Variants in GRID1 observed in about 807,000 individuals in gnomAD.
GRID1 encodes glutamate ionotropic receptor delta type subunit 1.
GRID1 carries 28 observed loss-of-function variants against 98.0 expected under a neutral mutation model. The ratio of observed to expected loss-of-function variants is 0.29; its 90% CI spans 0.21 to 0.39. The LOEUF (loss-of-function observed/expected upper bound fraction) is 0.39, where lower values mean the gene tolerates loss of function less well. Ranked by LOEUF, GRID1 falls within the 10% of genes least tolerant of loss-of-function variation. The pLI, the probability that GRID1 is intolerant of heterozygous loss-of-function variation, is 1.00. For synonymous variants in GRID1, 553 were observed against 538.5 expected, an observed-to-expected ratio of 1.03 and a Z score of -0.37; for missense variants, 1,111 against 1,340.5, an observed-to-expected ratio of 0.83 and a Z score of 2.67.
At chr10:86,156,226 C>A (rs977923333) in intron 3 of GRID1, among the ~76,000 whole-genome samples, 1 of 152,220 alleles carries the variant, frequency 6.6e-6, no homozygotes, top group Admixed American at 6.5e-5. Flanking sequence ...CCTCTGGAAA[C>A]AGCTCCCTGC....
Position 86,353,114 on chromosome 10 carries a change from T to C in GRID1, c.235+10827A>G, listed in dbSNP as rs577018702. Among the ~76,000 whole-genome samples the C allele has an allele frequency of 1.1e-4, 17 of 152,296 alleles. 1 individual carries two copies. In the East Asian group the frequency reaches 2.7e-3, roughly 24 times the overall value. On this transcript the variant is annotated intron_variant, in intron 2 of 15. Transcript: ENST00000327946. ...GTGCACTACAAACTGCCCTTAGAGCTGAGGATACCACAGGGAACAAAAGCG... is the reference window on the plus strand; with the variant it reads ...GTGCACTACAAACTGCCCTTAGAGCCGAGGATACCACAGGGAACAAAAGCG...
chr10:86,262,909 G>T (rs1029836549), intron 2 of GRID1, among the ~76,000 whole-genome samples: 1 of 152,146 alleles, frequency 6.6e-6, no homozygotes, highest in Non-Finnish European at 1.5e-5. Context: ...CTCCCTGCGC[G>T]GCGTTCCCAG....
chr10:85,879,128 T>C (rs1840959651), intron 5 of GRID1, among the ~76,000 whole-genome samples: 1 of 152,190 alleles, frequency 6.6e-6, no homozygotes, highest in African/African-American at 2.4e-5. Context: ...AAGCAAGTCC[T>C]GAGTGACCTA....
chr10:85,766,848 C>T (rs1288170362), intron 8 of GRID1, among the ~76,000 whole-genome samples: 1 of 151,622 alleles, frequency 6.6e-6, no homozygotes, highest in African/African-American at 2.4e-5. Context: ...TAAATATTCA[C>T]TTTCATACCT....
chr10:86,106,166 G>T (rs1388631614), intron 4 of GRID1, among the ~76,000 whole-genome samples: 1 of 151,920 alleles, frequency 6.6e-6, no homozygotes, highest in Non-Finnish European at 1.5e-5. Flanking sequence ...ATCCAAATGA[G>T]AAAAATCAAA....
chr10:86,240,249 T>C (rs968555985), intron 2 of GRID1, among the ~76,000 whole-genome samples: 2 of 152,154 alleles, frequency 1.3e-5, no homozygotes, highest in African/African-American at 4.8e-5. Context: ...GGCCCATGGC[T>C]GGGGAGAGGC....
At chr10:85,652,040 C>A (rs111539600) in intron 12 of GRID1, among the ~76,000 whole-genome samples, 5,611 of 152,254 alleles carry the variant, frequency 0.037, 144 homozygotes, top group African/African-American at 0.069. Flanking sequence ...TAGCTGATAC[C>A]TTTGAGCACA....
At chr10:86,363,828 G>T in intron 2 of GRID1, 113 bp downstream of exon 2, 2 of 891,132 alleles carry the variant, frequency 2.2e-6, no homozygotes, top group Middle Eastern at 3.0e-4. Flanking sequence ...CGCGGCTGCC[G>T]AGGAACAGAG....
intron 2 of GRID1, among the ~76,000 whole-genome samples, chr10:86,295,837 A>C (rs533635517): frequency 1.3e-5 from 2 of 152,262 alleles, no homozygotes; most frequent in South Asian, 2.1e-4. Flanking sequence ...ATGATGGGTA[A>C]ACTTCGCCCA....
At chr10:85,619,816 T>C (rs1383073922) in intron 14 of GRID1, 51 bp downstream of exon 14, 1 of 1,436,894 alleles carries the variant, frequency 7.0e-7, no homozygotes, top group Non-Finnish European at 9.8e-7. Flanking sequence ...CTCCTACCCT[T>C]GACCACTAGA....
At chr10:85,821,792 C>T (rs1314693316) in intron 8 of GRID1, among the ~76,000 whole-genome samples, 1 of 152,106 alleles carries the variant, frequency 6.6e-6, no homozygotes, top group Non-Finnish European at 1.5e-5. Flanking sequence ...AACTTTACTA[C>T]AAGGCTACAG....
chr10:86,037,074 C>T (rs1843275301), intron 4 of GRID1, among the ~76,000 whole-genome samples: 1 of 152,130 alleles, frequency 6.6e-6, no homozygotes, highest in Non-Finnish European at 1.5e-5. Flanking sequence ...AGAGTGAGTT[C>T]TAAAGGTGCC....
chr10:86,106,851 G>C (rs2131948817), intron 4 of GRID1, among the ~76,000 whole-genome samples: 1 of 152,234 alleles, frequency 6.6e-6, no homozygotes, highest in East Asian at 1.9e-4. Context: ...GGCTAAGATG[G>C]GATAGAGAAT....
intron 12 of GRID1, among the ~76,000 whole-genome samples, chr10:85,692,879 T>C (rs1044560766): frequency 1.3e-5 from 2 of 152,130 alleles, no homozygotes; most frequent in African/African-American, 4.8e-5. Context: ...AGGCCTAGCA[T>C]TTGAGACATC....
chr10:85,987,781 T>C (rs940978195), intron 4 of GRID1, among the ~76,000 whole-genome samples: 27 of 151,856 alleles, frequency 1.8e-4, no homozygotes, highest in African/African-American at 6.0e-4. Context: ...TAGTGCTTCC[T>C]CAGGGGCCTT....
chr10:85,751,835 C>T (rs1443248351), intron 8 of GRID1, among the ~76,000 whole-genome samples: 2 of 151,926 alleles, frequency 1.3e-5, no homozygotes, highest in Non-Finnish European at 2.9e-5. Context: ...CCATAATGAG[C>T]TTGATGTGCT....
intron 12 of GRID1, among the ~76,000 whole-genome samples, chr10:85,700,876 A>T (rs1023058675): frequency 4.6e-5 from 7 of 152,228 alleles, no homozygotes; most frequent in Admixed American, 3.9e-4. Context: ...GATTCCTAAG[A>T]CTAAGACAGT....
At chr10:86,050,870 A>C (rs2131905412) in intron 4 of GRID1, among the ~76,000 whole-genome samples, 1 of 151,434 alleles carries the variant, frequency 6.6e-6, no homozygotes, top group East Asian at 1.9e-4. Context: ...AAAAACAAAC[A>C]ATCACAAGAA....
chr10:86,052,930 A>G (rs1843521772), intron 4 of GRID1, among the ~76,000 whole-genome samples: 1 of 152,208 alleles, frequency 6.6e-6, no homozygotes, highest in South Asian at 2.1e-4. Flanking sequence ...TAGATCTAGA[A>G]ATCTTTTTAA....
Sources: allele counts gnomAD v4.1 joint callset (sites outside exome capture counted in the v4.1 genomes callset), GRCh38; gene constraint gnomAD v4.1.1; transcripts MANE v1.5; gene names NCBI Gene and HGNC (gene_info 2026-07-23, HGNC 2026-07-21).